KIAA0825: variants seen among roughly 807,000 people sequenced by gnomAD.
KIAA0825 encodes the protein uncharacterized protein KIAA0825.
In KIAA0825, 119 loss-of-function variants were observed where a neutral mutation model predicts 147.6. The observed-to-expected ratio is 0.81, with a 90% CI of 0.69 to 0.94. The LOEUF (loss-of-function observed/expected upper bound fraction) is 0.94, where lower values mean the gene tolerates loss of function less well. Ranked by LOEUF, KIAA0825 falls within the 40% of genes least tolerant of loss-of-function variation. The probability of loss-of-function intolerance (pLI) is 0.00; values close to 1 mark genes in which losing one functional copy is unlikely to be tolerated. For missense variants in KIAA0825, 1,381 were observed against 1,472.7 expected (o/e 0.94, Z 1.02); for synonymous variants, 470 against 518.1 (o/e 0.91, Z 1.26).
At chr5:94,600,181 A>C (rs532727679) in intron 1 of KIAA0825, among the ~76,000 whole-genome samples, 1 of 152,292 alleles carries the variant, frequency 6.6e-6, no homozygotes, top group African/African-American at 2.4e-5. Context: ...AAGTATTGCC[A>C]CTTCACAACT....
chr5:94,608,570 G>T (rs1264317839), intron 1 of KIAA0825, among the ~76,000 whole-genome samples: 2 of 124,890 alleles, frequency 1.6e-5, no homozygotes, highest in Non-Finnish European at 3.2e-5. Flanking sequence ...TTGACTTCAA[G>T]TGATCTACCC....
intron 20 of KIAA0825, among the ~76,000 whole-genome samples, chr5:94,176,695 C>CTA (rs1314068578): frequency 6.6e-6 from 1 of 152,088 alleles, no homozygotes; most frequent in Non-Finnish European, 1.5e-5. Flanking sequence ...AGAACAGGAA[C>CTA]TATACCCAAA....
chr5:94,226,837 C>T (rs1450001628), intron 20 of KIAA0825, among the ~76,000 whole-genome samples: 1 of 151,918 alleles, frequency 6.6e-6, no homozygotes, highest in Admixed American at 6.6e-5. Flanking sequence ...CAAATCAAAA[C>T]CACAATGAGA....
At chr5:94,503,332 C>T (rs1257686533) in intron 5 of KIAA0825, among the ~76,000 whole-genome samples, 4 of 152,052 alleles carry the variant, frequency 2.6e-5, no homozygotes, top group Non-Finnish European at 4.4e-5. Context: ...TTTCTCCTTG[C>T]TAATACTGAG....
At chr5:94,397,927 C>G (rs1750886393) in intron 16 of KIAA0825, among the ~76,000 whole-genome samples, 2 of 152,028 alleles carry the variant, frequency 1.3e-5, no homozygotes, top group Admixed American at 1.3e-4. Flanking sequence ...GTCTTCCAAA[C>G]TAGCTTGGCC....
chr5:94,232,716 A>G (rs1774795492), intron 20 of KIAA0825, among the ~76,000 whole-genome samples: 1 of 152,002 alleles, frequency 6.6e-6, no homozygotes, highest in Non-Finnish European at 1.5e-5. Flanking sequence ...TTTTGCCAAA[A>G]AATGAAGCTC....
At chr5:94,459,445 C>G (rs1759540164) in intron 12 of KIAA0825, among the ~76,000 whole-genome samples, 1 of 152,010 alleles carries the variant, frequency 6.6e-6, no homozygotes, top group African/African-American at 2.4e-5. Flanking sequence ...GCCAGTCACT[C>G]CTGAGGTAGG....
intron 17 of KIAA0825, among the ~76,000 whole-genome samples, chr5:94,392,767 C>T (rs560948198): frequency 6.6e-6 from 1 of 152,284 alleles, no homozygotes; most frequent in Admixed American, 6.5e-5. Flanking sequence ...AGCTGCTGGA[C>T]ATTAACTTTG....
intron 20 of KIAA0825, among the ~76,000 whole-genome samples, chr5:94,197,230 ATT>A (rs1208789957): frequency 1.3e-5 from 2 of 151,750 alleles, no homozygotes; most frequent in Non-Finnish European, 2.9e-5. Flanking sequence ...GATGTTGACC[ATT>A]TTTTTCACAT....
chr5:94,163,755 T>C lies in KIAA0825; in HGVS notation c.3711-9631A>G, dbSNP rs553041785. On this transcript the variant is annotated intron_variant, in intron 20 of 20. Coordinates refer to ENST00000682413, the MANE Select transcript of KIAA0825 (RefSeq NM_001145678.3). ...ATACATAATACTAACTAAATCAATT[T>C]AAATTTATCTTTCATGACTCAGACA... is the stretch of plus-strand genomic sequence containing the variant. Among the ~76,000 whole-genome samples, 3 of 152,274 alleles carry C rather than the reference T, an allele frequency of 2.0e-5. No homozygotes were observed. In the East Asian group the frequency reaches 5.8e-4, roughly 29 times the overall value.
intron 15 of KIAA0825, chr5:94,415,395 T>C (rs1229766866): frequency 2.0e-5 from 3 of 152,216 alleles, no homozygotes; most frequent in African/African-American, 7.2e-5. Context: ...AACAATGTTA[T>C]GTTTCCAAAT....
intron 2 of KIAA0825, among the ~76,000 whole-genome samples, chr5:94,573,622 G>A (rs570997738): frequency 1.4e-4 from 21 of 152,250 alleles, no homozygotes; most frequent in Non-Finnish European, 2.9e-4. Flanking sequence ...GATGACAAAT[G>A]TTTCCTATTC....
chr5:94,252,785 T>C (rs1776031095), intron 20 of KIAA0825, among the ~76,000 whole-genome samples: 1 of 152,014 alleles, frequency 6.6e-6, no homozygotes, highest in South Asian at 2.1e-4. Context: ...CTTGAATGCT[T>C]ACATACCTAG....
intron 13 of KIAA0825, among the ~76,000 whole-genome samples, chr5:94,446,351 T>G (rs142868694): frequency 1.3e-5 from 2 of 152,134 alleles, no homozygotes; most frequent in Non-Finnish European, 2.9e-5. Flanking sequence ...CAAATAAAGA[T>G]AAAGTAACAA....
chr5:94,600,270 C>A (rs767347759), intron 1 of KIAA0825, among the ~76,000 whole-genome samples: 4 of 152,086 alleles, frequency 2.6e-5, no homozygotes, highest in Non-Finnish European at 5.9e-5. Flanking sequence ...TCATACACAG[C>A]TGATGAATTA....
intron 20 of KIAA0825, among the ~76,000 whole-genome samples, chr5:94,254,390 C>T (rs189243935): frequency 2.1e-4 from 32 of 152,192 alleles, no homozygotes; most frequent in Non-Finnish European, 3.2e-4. Context: ...TGGTCACAGA[C>T]GGATACCTCA....
chr5:94,291,027 A>G (rs1485031688), intron 20 of KIAA0825, among the ~76,000 whole-genome samples: 4 of 151,926 alleles, frequency 2.6e-5, no homozygotes, highest in Admixed American at 6.6e-5. Context: ...TAGATTCTGG[A>G]TATTAGCCCT....
intron 13 of KIAA0825, among the ~76,000 whole-genome samples, chr5:94,450,521 C>A (rs1412307923): frequency 6.6e-6 from 1 of 151,800 alleles, no homozygotes; most frequent in Non-Finnish European, 1.5e-5. Flanking sequence ...AAGGCACCAG[C>A]ATCTGGTGAG....
intron 20 of KIAA0825, among the ~76,000 whole-genome samples, chr5:94,356,627 C>CA (rs963951372): frequency 1.2e-4 from 18 of 147,578 alleles, no homozygotes; most frequent in East Asian, 2.0e-4. Context: ...AACAAAAAGA[C>CA]AAAAAAAACA....
Sources: gnomAD v4.1 joint callset for allele counts (sites outside exome capture counted in the v4.1 genomes callset) on GRCh38, gnomAD v4.1.1 for gene constraint, MANE v1.5 for transcripts, NCBI Gene and HGNC (gene_info 2026-07-23, HGNC 2026-07-21) for gene names.